SPIDR: variants seen among roughly 807,000 people sequenced by gnomAD.
SPIDR encodes DNA repair-scaffolding protein.
A neutral mutation model predicts 104.6 loss-of-function variants in SPIDR; 93 were observed. That is an observed-to-expected ratio of 0.89 (90% confidence interval 0.75 to 1.06). The LOEUF is 1.06. Among genes scored for constraint, SPIDR ranks in the 50% least tolerant of loss-of-function variants. The probability of loss-of-function intolerance (pLI) is 0.00; values close to 1 mark genes in which losing one functional copy is unlikely to be tolerated. For missense variants in SPIDR, 1,154 were observed against 1,111.2 expected (o/e 1.04, Z -0.55); for synonymous variants, 431 against 416.9 (o/e 1.03, Z -0.41).
At chr8:47,297,232 G>T (rs1329730657) in intron 5 of SPIDR, among the ~76,000 whole-genome samples, 1 of 152,058 alleles carries the variant, frequency 6.6e-6, no homozygotes, top group Non-Finnish European at 1.5e-5. Context: ...CTCTTGCCAG[G>T]ACATCTAACT....
At position 47,634,094 on chromosome 8, in the gene SPIDR, C is replaced by CA. The variant is rs796453026; in HGVS notation, c.1544+34914dup. On this transcript the variant is annotated intron_variant, in intron 10 of 19. Transcript: ENST00000297423. ...TGCGTGACAGAGTAAGACCCTGTCT[C>CA]AAAAAAAAAAAAAAAAGAATTACCG... Among the ~76,000 whole-genome samples, 741 of 78,982 alleles carry CA rather than the reference C, an allele frequency of 9.4e-3. 10 individuals carry two copies. The highest frequency in any genetic ancestry group is 0.025 in the African/African-American group (522 of 20,620). The allele number at this position is 78,982 out of a possible 152,430, so 51.8% of individuals were successfully genotyped here.
chr8:47,394,034 A>G (rs540453821), intron 5 of SPIDR, among the ~76,000 whole-genome samples: 2 of 152,012 alleles, frequency 1.3e-5, no homozygotes, highest in South Asian at 2.1e-4. Context: ...AGCTTGCCCA[A>G]TAGCTGGGAC....
At chr8:47,313,425 A>C (rs1390254094) in intron 5 of SPIDR, among the ~76,000 whole-genome samples, 21 of 152,238 alleles carry the variant, frequency 1.4e-4, no homozygotes, top group Non-Finnish European at 2.9e-5. Flanking sequence ...ATACAAACAA[A>C]TGGAAGAACA....
intron 11 of SPIDR, among the ~76,000 whole-genome samples, chr8:47,677,137 A>G (rs1563513152): frequency 6.6e-6 from 1 of 152,094 alleles, no homozygotes; most frequent in Non-Finnish European, 1.5e-5. Context: ...CTATTCCTCA[A>G]TGACTCTCTA....
chr8:47,668,455 A>G (rs2075296980), intron 10 of SPIDR, among the ~76,000 whole-genome samples: 1 of 152,090 alleles, frequency 6.6e-6, no homozygotes, highest in Non-Finnish European at 1.5e-5. Context: ...ATAAGCTCCA[A>G]CATCCATTCA....
intron 5 of SPIDR, among the ~76,000 whole-genome samples, chr8:47,391,540 T>TA (rs2060580325): frequency 1.3e-5 from 2 of 151,796 alleles, no homozygotes; most frequent in South Asian, 2.1e-4. Flanking sequence ...GATCCTGTCT[T>TA]AAAAAAACAA....
intron 5 of SPIDR, among the ~76,000 whole-genome samples, chr8:47,297,071 C>T (rs2040980467): frequency 6.6e-6 from 1 of 152,100 alleles, no homozygotes; most frequent in South Asian, 2.1e-4. Context: ...ATTTTGTATC[C>T]TGCAACTTTA....
intron 5 of SPIDR, among the ~76,000 whole-genome samples, chr8:47,353,052 CAAAAAAA>C (rs57853552): frequency 1.7e-4 from 13 of 75,562 alleles, no homozygotes; most frequent in Non-Finnish European, 1.2e-4. Flanking sequence ...GACTCTATCT[CAAAAAAA>C]AAAAAAAAAA....
At chr8:47,425,553 C>G (rs782376885) in intron 7 of SPIDR, among the ~76,000 whole-genome samples, 2 of 151,996 alleles carry the variant, frequency 1.3e-5, no homozygotes, top group South Asian at 2.1e-4. Context: ...ATGTGAGGTG[C>G]CTAAACAGTT....
At chr8:47,575,033 C>T (rs2058918629) in intron 8 of SPIDR, among the ~76,000 whole-genome samples, 1 of 152,070 alleles carries the variant, frequency 6.6e-6, no homozygotes, top group Non-Finnish European at 1.5e-5. Flanking sequence ...GAAAACAAAA[C>T]AGAACCCCTG....
intron 5 of SPIDR, chr8:47,294,394 C>T (rs1044629740): frequency 4.5e-5 from 9 of 200,650 alleles, no homozygotes; most frequent in Non-Finnish European, 9.1e-5. Flanking sequence ...AGTCCTCTCC[C>T]AGTGGAGTCA....
chr8:47,562,678 C>T (rs963020959), intron 8 of SPIDR, among the ~76,000 whole-genome samples: 5 of 152,238 alleles, frequency 3.3e-5, no homozygotes, highest in East Asian at 3.9e-4. Flanking sequence ...TTGTGGTTGC[C>T]GCTGTTTCAT....
chr8:47,642,216 G>T (rs1255720321), intron 10 of SPIDR, among the ~76,000 whole-genome samples: 1 of 152,126 alleles, frequency 6.6e-6, no homozygotes, highest in Non-Finnish European at 1.5e-5. Context: ...GAAGTAAGGA[G>T]ATCAAGACCA....
At chr8:47,279,571 A>T (rs1447521717) in intron 1 of SPIDR, 1 of 259,296 alleles carries the variant, frequency 3.9e-6, no homozygotes, top group Non-Finnish European at 7.5e-6. Context: ...TGACTCTCTT[A>T]CTTTCCTTGG....
At chr8:47,331,966 TTTTTTTTTTTTTTTTTTTTTCTC>T (rs1383963538) in intron 5 of SPIDR, among the ~76,000 whole-genome samples, 1,518 of 16,274 alleles carry the variant, frequency 0.093, 17 homozygotes, top group Non-Finnish European at 0.11. Context: ...TTTTTTAAAC[TTTTTTTTTTTTTTTTTTTTTCTC>T]TTTTTTTTTT....
chr8:47,427,577 G>A (rs977459681), intron 7 of SPIDR, among the ~76,000 whole-genome samples: 1 of 152,200 alleles, frequency 6.6e-6, no homozygotes, highest in East Asian at 1.9e-4. Flanking sequence ...GACAGGCTTG[G>A]TATGTAATCT....
chr8:47,711,390 G>A (rs1295598422), intron 14 of SPIDR, among the ~76,000 whole-genome samples: 9 of 151,930 alleles, frequency 5.9e-5, no homozygotes, highest in Non-Finnish European at 1.5e-5. Flanking sequence ...TGTTCACTAC[G>A]CTGAAATGCA....
chr8:47,372,612 C>T (rs371215526), intron 5 of SPIDR, among the ~76,000 whole-genome samples: 1 of 151,688 alleles, frequency 6.6e-6, no homozygotes, highest in African/African-American at 2.4e-5. Flanking sequence ...GGTGACAGAG[C>T]GAGACTCCGT....
chr8:47,321,569 T>C (rs1302894930), intron 5 of SPIDR, among the ~76,000 whole-genome samples: 1 of 152,176 alleles, frequency 6.6e-6, no homozygotes, highest in East Asian at 1.9e-4. Context: ...ACCAATGACT[T>C]TCTGCACAGA....
Sources: allele counts gnomAD v4.1 joint callset (sites outside exome capture counted in the v4.1 genomes callset), GRCh38; gene constraint gnomAD v4.1.1; transcripts MANE v1.5; gene names NCBI Gene and HGNC (gene_info 2026-07-23, HGNC 2026-07-21).